AUTS2: variants seen among roughly 807,000 people sequenced by gnomAD.
The protein encoded by AUTS2 is activator of transcription and developmental regulator AUTS2.
AUTS2 carries 17 observed loss-of-function variants against 112.4 expected under a neutral mutation model. That is an observed-to-expected ratio of 0.15 (90% CI 0.10 to 0.23). The LOEUF is 0.23. Among genes scored for constraint, AUTS2 ranks in the 10% least tolerant of loss-of-function variants. The pLI, the probability that AUTS2 is intolerant of heterozygous loss-of-function variation, is 1.00. For missense variants in AUTS2, 1,510 were observed against 1,701.6 expected, an observed-to-expected ratio of 0.89 and a Z score of 1.98; for synonymous variants, 751 against 702.7, an observed-to-expected ratio of 1.07 and a Z score of -1.09.
intron 1 of AUTS2, among the ~76,000 whole-genome samples, chr7:69,680,428 TATC>T: frequency 6.6e-6 from 1 of 152,330 alleles, no homozygotes; most frequent in Non-Finnish European, 1.5e-5. Flanking sequence ...ATACACGCAT[TATC>T]ATTGTTGTTT....
At chr7:69,877,845 G>A (rs1793871673) in intron 1 of AUTS2, among the ~76,000 whole-genome samples, 1 of 152,096 alleles carries the variant, frequency 6.6e-6, no homozygotes, top group Non-Finnish European at 1.5e-5. Flanking sequence ...GGGGTGCTTG[G>A]GAGAGAGAAA....
chr7:70,631,788 G>C lies in AUTS2; in HGVS notation c.691-66781G>C, dbSNP rs1216854090. 6.6e-6 allele frequency among the ~76,000 whole-genome samples: 1 copy of C among 152,152 alleles called. No homozygotes were observed. Among genetic ancestry groups the C allele is most frequent in the Non-Finnish European group, 1.5e-5 (1 of 68,018 alleles). On this transcript the variant is annotated intron_variant, in intron 5 of 18. Transcript: ENST00000342771. This position sits in a 1 kb window ranked among gnomAD's most constrained non-coding sequence, Gnocchi z 4.5. Reference sequence around the variant, plus strand: ...TATCCTTGAATCAATACTGCTGCTTGACAGCATCTCCAGCCCCGCGCCCGT... The same window carrying C: ...TATCCTTGAATCAATACTGCTGCTTCACAGCATCTCCAGCCCCGCGCCCGT...
At position 69,620,260 on chromosome 7, in the gene AUTS2, G is replaced by A. The variant is rs145808873; in HGVS notation, c.309+20298G>A. On this transcript the variant is annotated intron_variant, in intron 1 of 18. Transcript: ENST00000342771. ...GCGGAAAACGAAAGTTTATTTCTAG[G>A]GCTCTCTACTGGGCAAGGCTATCAG... Among the ~76,000 whole-genome samples, 27 of 152,248 alleles carry A rather than the reference G, an allele frequency of 1.8e-4. No individual in the cohort carries two copies. In the East Asian group the frequency reaches 4.6e-3, roughly 26 times the overall value.
intron 2 of AUTS2, among the ~76,000 whole-genome samples, chr7:70,028,243 C>T (rs960198983): frequency 1.3e-5 from 2 of 152,170 alleles, no homozygotes; most frequent in African/African-American, 2.4e-5. Flanking sequence ...TTAGTTCACG[C>T]ATTACTCATT....
intron 5 of AUTS2, among the ~76,000 whole-genome samples, chr7:70,609,912 A>G (rs1010304448): frequency 3.3e-5 from 5 of 152,080 alleles, no homozygotes; most frequent in African/African-American, 1.2e-4. Flanking sequence ...TTTCCTTTGG[A>G]TACATACCCT....
chr7:70,038,840 C>T (rs1354739352), intron 2 of AUTS2, among the ~76,000 whole-genome samples: 1 of 152,074 alleles, frequency 6.6e-6, no homozygotes, highest in Non-Finnish European at 1.5e-5. Context: ...CTCACGGTAA[C>T]CTCTGCCTCC....
At chr7:70,051,086 T>C (rs567140993) in intron 2 of AUTS2, among the ~76,000 whole-genome samples, 338 of 152,330 alleles carry the variant, frequency 2.2e-3, no homozygotes, top group Non-Finnish European at 4.1e-3. Context: ...GTGTTACAGC[T>C]CACTTTGAAG....
intron 4 of AUTS2, among the ~76,000 whole-genome samples, chr7:70,350,883 C>G (rs1342994711): frequency 6.6e-6 from 1 of 152,124 alleles, no homozygotes; most frequent in Non-Finnish European, 1.5e-5. Context: ...CTCCTCCTCC[C>G]TACCCCTGGT....
At chr7:70,443,267 A>G (rs573590901) in intron 5 of AUTS2, among the ~76,000 whole-genome samples, 4 of 152,172 alleles carry the variant, frequency 2.6e-5, no homozygotes, top group Non-Finnish European at 5.9e-5. Flanking sequence ...TAGATGTTCT[A>G]TTGCTCGCAA....
chr7:70,779,009 A>G (rs933953143), intron 14 of AUTS2, among the ~76,000 whole-genome samples: 3 of 152,212 alleles, frequency 2.0e-5, no homozygotes, highest in Non-Finnish European at 4.4e-5. Context: ...TGAACATGAG[A>G]TAACTTCGTT....
chr7:70,598,523 C>T (rs1000426205), intron 5 of AUTS2, among the ~76,000 whole-genome samples: 6 of 152,166 alleles, frequency 3.9e-5, no homozygotes, highest in Admixed American at 1.3e-4. Flanking sequence ...AACTTCATAT[C>T]GCTCCTTTTT....
chr7:70,134,705 C>A, intron 4 of AUTS2, 134 bp downstream of exon 4: 2 of 849,016 alleles, frequency 2.4e-6, no homozygotes, highest in Non-Finnish European at 3.9e-6. Context: ...GATTTCCATT[C>A]TTTATTAGGA....
intron 5 of AUTS2, among the ~76,000 whole-genome samples, chr7:70,605,749 A>G (rs1234395382): frequency 6.6e-6 from 1 of 152,138 alleles, no homozygotes; most frequent in Non-Finnish European, 1.5e-5. Context: ...GTATTAGCGA[A>G]TCACAGAATT....
In AUTS2 at chr7:70,226,023, G is replaced by A. The variant is rs138526206; in HGVS notation, c.660+91452G>A. ...GAAGTATTTTAATTAACCCAAGTAG[G>A]ACTAATCAAAGCAGAGCAACCAGTT... On this transcript the variant is annotated intron_variant, in intron 4 of 18. Transcript: ENST00000342771. 3.3e-3 allele frequency among the ~76,000 whole-genome samples: 508 copies of A among 152,246 alleles called. 2 individuals carry two copies. The highest frequency in any genetic ancestry group is 0.01 in the Middle Eastern group (3 of 292).
chr7:70,673,311 T>C (rs1294048695), intron 5 of AUTS2, among the ~76,000 whole-genome samples: 1 of 152,168 alleles, frequency 6.6e-6, no homozygotes, highest in Non-Finnish European at 1.5e-5. Flanking sequence ...GGTGAAACTC[T>C]AGTACTGTGC....
At chr7:70,513,795 AATT>A (rs1245805255) in intron 5 of AUTS2, among the ~76,000 whole-genome samples, 1 of 151,612 alleles carries the variant, frequency 6.6e-6, no homozygotes, top group Non-Finnish European at 1.5e-5. Context: ...AGGTAGCTGG[AATT>A]ACAGGTGTGC....
chr7:69,974,951 A>G (rs1797995575), intron 2 of AUTS2, among the ~76,000 whole-genome samples: 1 of 151,850 alleles, frequency 6.6e-6, no homozygotes, highest in Non-Finnish European at 1.5e-5. Flanking sequence ...TGTCCTAGTG[A>G]CTTAAGATCC....
intron 2 of AUTS2, among the ~76,000 whole-genome samples, chr7:70,009,210 C>T (rs572283426): frequency 2.6e-4 from 39 of 152,222 alleles, no homozygotes; most frequent in African/African-American, 8.2e-4. Context: ...AATAACAACC[C>T]ACTCTCGCAA....
intron 2 of AUTS2, among the ~76,000 whole-genome samples, chr7:69,948,995 T>C (rs202227788): frequency 6.6e-6 from 1 of 151,880 alleles, no homozygotes; most frequent in Non-Finnish European, 1.5e-5. Context: ...TTAGTAGAGA[T>C]TGGGTTTCAC....
Sources: gnomAD v4.1 joint callset for allele counts (sites outside exome capture counted in the v4.1 genomes callset) on GRCh38, gnomAD v4.1.1 for gene constraint, Gnocchi (gnomAD v3.1) non-coding constraint, MANE v1.5 for transcripts, NCBI Gene and HGNC (gene_info 2026-07-23, HGNC 2026-07-21) for gene names.